Variants in BTBD10 observed in about 807,000 individuals in gnomAD.
BTBD10 encodes the protein BTB domain containing 10.
A neutral mutation model predicts 53.2 loss-of-function variants in BTBD10; 21 were observed. The ratio of observed to expected loss-of-function variants is 0.39; its 90% CI spans 0.28 to 0.57. The LOEUF (loss-of-function observed/expected upper bound fraction) is 0.57, where lower values mean the gene tolerates loss of function less well. BTBD10 is among the 20% of genes least tolerant of loss of function. The pLI is 0.53. For synonymous variants in BTBD10, 149 were observed against 192.7 expected, an observed-to-expected ratio of 0.77 and a Z score of 1.88; for missense variants, 360 against 594.7, an observed-to-expected ratio of 0.61 and a Z score of 4.10.
chr11:13,400,116 T>C (rs1462017513), intron 8 of BTBD10, among the ~76,000 whole-genome samples: 4 of 152,236 alleles, frequency 2.6e-5, no homozygotes, highest in Admixed American at 2.6e-4. Flanking sequence ...TATTGCTGTC[T>C]TTTGTTTGTC....
intron 6 of BTBD10, among the ~76,000 whole-genome samples, chr11:13,413,141 AT>A (rs1013574367): frequency 2.0e-5 from 3 of 152,216 alleles, no homozygotes; most frequent in Non-Finnish European, 4.4e-5. Flanking sequence ...TAGTGCTCAT[AT>A]TATCACACGT....
intron 5 of BTBD10, among the ~76,000 whole-genome samples, chr11:13,414,304 T>C (rs1206060797): frequency 6.6e-6 from 1 of 152,166 alleles, no homozygotes; most frequent in Non-Finnish European, 1.5e-5. Flanking sequence ...AAAAATTCTT[T>C]TCAATTCCAC....
At chr11:13,402,724 TATC>T (rs1195874664) in intron 8 of BTBD10, among the ~76,000 whole-genome samples, 2 of 152,214 alleles carry the variant, frequency 1.3e-5, no homozygotes, top group Non-Finnish European at 2.9e-5. Flanking sequence ...AATAAGCTAT[TATC>T]ATACTTTAAG....
intron 3 of BTBD10, among the ~76,000 whole-genome samples, chr11:13,420,286 A>G (rs1565248130): frequency 6.6e-6 from 1 of 151,836 alleles, no homozygotes; most frequent in African/African-American, 2.4e-5. Context: ...CCACAAAAAA[A>G]GAAAGAAATT....
At chr11:13,395,925 T>C (rs1423817997) in intron 8 of BTBD10, among the ~76,000 whole-genome samples, 1 of 151,972 alleles carries the variant, frequency 6.6e-6, no homozygotes, top group Non-Finnish European at 1.5e-5. Context: ...AGTACCATGC[T>C]GTTTTTGTTA....
In BTBD10 at chr11:13,445,118, C is replaced by T. The variant is rs1350288193; in HGVS notation, c.7G>A (p.Gly3Arg). The T allele has an allele frequency of 6.2e-7, 1 of 1,612,468 alleles. No individual in the cohort carries two copies. Among genetic ancestry groups the T allele is most frequent in the African/African-American group, 1.3e-5 (1 of 74,842 alleles). The change falls in exon 2 of 9, where the codon GGA becomes AGA. Residue 3 changes from glycine (G) to arginine (R), a missense_variant. Physicochemically the swap from Gly to Arg is moderately radical, Grantham distance 125. This residue lies in a region of BTBD10 where 81 missense variants were observed against 82.6 expected (regional missense o/e 0.98). Transcript: ENST00000278174. MA[G>R]RPHPYDGNSS... ...TTACCATCATAGGGATGAGGCCGTC[C>T]TGCCATCCCACTCCAAGCTTCCTCA...
chr11:13,426,310 G>A (rs1950338340), intron 2 of BTBD10, among the ~76,000 whole-genome samples: 1 of 151,778 alleles, frequency 6.6e-6, no homozygotes, highest in South Asian at 2.1e-4. Context: ...GACATTTTCA[G>A]GCAAAAAAAG....
chr11:13,456,057 G>C (rs899246954), intron 1 of BTBD10, among the ~76,000 whole-genome samples: 2 of 152,094 alleles, frequency 1.3e-5, no homozygotes, highest in East Asian at 1.9e-4. Context: ...AAAGTTTAAG[G>C]AATCTAAAAT....
At chr11:13,447,300 A>G (rs1281852103) in intron 1 of BTBD10, among the ~76,000 whole-genome samples, 1 of 152,112 alleles carries the variant, frequency 6.6e-6, no homozygotes, top group Non-Finnish European at 1.5e-5. Context: ...TCTGTCACCC[A>G]GAGTGGAGTA....
At chr11:13,432,746 C>G (rs1267218309) in intron 2 of BTBD10, among the ~76,000 whole-genome samples, 1 of 151,440 alleles carries the variant, frequency 6.6e-6, no homozygotes, top group Admixed American at 6.6e-5. Flanking sequence ...GAAATTTTTA[C>G]AAAGTTACTA....
rs143984395 is a variant in BTBD10, at chr11:13,405,905, A to C, written c.809-49T>G. The C allele has an allele frequency of 8.4e-5, 132 of 1,568,588 alleles. 1 individual carries two copies. The East Asian group carries it at 3.0e-3, about 35-fold the overall frequency. ...TCTTACCAAAACTTTTCCTAAAAAGAGTTCTTTTAGAAATATAGACTCTTA... is the reference window on the plus strand; with the variant it reads ...TCTTACCAAAACTTTTCCTAAAAAGCGTTCTTTTAGAAATATAGACTCTTA... On this transcript the variant is annotated intron_variant, in intron 6 of 8. Transcript: ENST00000278174.
chr11:13,412,739 C>T (rs1423413157), intron 6 of BTBD10, among the ~76,000 whole-genome samples: 1 of 152,210 alleles, frequency 6.6e-6, no homozygotes, highest in Non-Finnish European at 1.5e-5. Context: ...TTCCACTGAA[C>T]TCTTCCACGA....
chr11:13,444,563 T>A (rs368446568), intron 2 of BTBD10, among the ~76,000 whole-genome samples: 1 of 152,146 alleles, frequency 6.6e-6, no homozygotes, highest in Non-Finnish European at 1.5e-5. Context: ...TCCAGAAAGA[T>A]TAATTTTTCT....
chr11:13,462,118 C>T (rs1591183376), intron 1 of BTBD10, among the ~76,000 whole-genome samples: 1 of 152,066 alleles, frequency 6.6e-6, no homozygotes, highest in Non-Finnish European at 1.5e-5. Context: ...TTTATTATAT[C>T]TCTTATTCCG....
At chr11:13,401,859 T>C (rs1949721902) in intron 8 of BTBD10, among the ~76,000 whole-genome samples, 1 of 152,196 alleles carries the variant, frequency 6.6e-6, no homozygotes, top group African/African-American at 2.4e-5. Context: ...ACTATATCTC[T>C]TCAAATCTCC....
At chr11:13,426,848 A>T (rs1312145458) in intron 2 of BTBD10, among the ~76,000 whole-genome samples, 2 of 152,210 alleles carry the variant, frequency 1.3e-5, no homozygotes, top group African/African-American at 4.8e-5. Flanking sequence ...AACGGAAAAT[A>T]AATAACAGGA....
chr11:13,410,159 A>T (rs1453184963), intron 6 of BTBD10, among the ~76,000 whole-genome samples: 1 of 152,178 alleles, frequency 6.6e-6, no homozygotes, highest in Admixed American at 6.5e-5. Flanking sequence ...ATAAAATTTA[A>T]AAAAAATTAA....
intron 2 of BTBD10, among the ~76,000 whole-genome samples, chr11:13,429,785 T>C (rs1950412752): frequency 6.6e-6 from 1 of 152,150 alleles, no homozygotes; most frequent in African/African-American, 2.4e-5. Flanking sequence ...TTAAAAACTT[T>C]TGATCTTCAA....
chr11:13,421,516 A>C (rs1224675816), intron 3 of BTBD10, 126 bp downstream of exon 3: 8 of 765,742 alleles, frequency 1.0e-5, no homozygotes, highest in Non-Finnish European at 1.5e-5. Flanking sequence ...ACTAAAACAG[A>C]AACAACTGAA....
Sources: allele counts gnomAD v4.1 joint callset (sites outside exome capture counted in the v4.1 genomes callset), GRCh38; gene constraint gnomAD v4.1.1; regional missense constraint gnomAD v4.1.1; transcripts MANE v1.5; gene names NCBI Gene and HGNC (gene_info 2026-07-23, HGNC 2026-07-21).